The following IQANK1 variants were observed in gnomAD, a reference collection of about 807,000 sequenced individuals.
IQANK1 encodes IQ motif and ankyrin repeat containing 1.
A neutral mutation model predicts 22.6 loss-of-function variants in IQANK1; 30 were observed. The ratio of observed to expected loss-of-function variants is 1.33; its 90% confidence interval spans 0.99 to 1.80. IQANK1 has a LOEUF of 1.80. Ranked by LOEUF, IQANK1 falls within the 40% of genes most tolerant of loss-of-function variation. IQANK1 has a pLI of 0.00. For missense variants in IQANK1, 275 were observed against 235.2 expected (o/e 1.17, Z -1.11); for synonymous variants, 122 against 99.6 (o/e 1.23, Z -1.34).
intron 3 of IQANK1, among the ~76,000 whole-genome samples, chr8:143,762,660 A>G (rs1318026861): frequency 6.6e-6 from 1 of 152,238 alleles, no homozygotes; most frequent in Non-Finnish European, 1.5e-5. Flanking sequence ...TGATTGAGGA[A>G]GGAAAAAATA....
chr8:143,735,981 C>T lies in IQANK1; in HGVS notation c.85+43C>T. On this transcript the variant is annotated intron_variant, in intron 2 of 13. Coordinates refer to ENST00000527139, the MANE Select transcript of IQANK1 (RefSeq NM_001381874.1). This position sits in a 1 kb window ranked among gnomAD's most constrained non-coding sequence, Gnocchi z 5.2. Reference sequence around the variant, plus strand: ...CCTCCAGAGCACTGTCACCCAGACACTGACCTGTGAGACCTTCTATGTAGC... The same window carrying T: ...CCTCCAGAGCACTGTCACCCAGACATTGACCTGTGAGACCTTCTATGTAGC... 8.5e-6 allele frequency: 6 copies of T among 702,224 alleles called. No homozygotes were observed. The highest frequency in any genetic ancestry group is 1.5e-5 in the South Asian group (1 of 67,554). 43.5% of individuals were successfully genotyped at this position (702,224 alleles called of 1,614,324 possible).
Position 143,790,369 on chromosome 8 carries a change from T to G in IQANK1, c.1444T>G (p.Phe482Val). 1 of 1,081,590 alleles carries G rather than the reference T, an allele frequency of 9.2e-7. No individual in the cohort carries two copies. The highest frequency in any genetic ancestry group is 4.7e-5 in the South Asian group (1 of 21,220). 67.0% of individuals were successfully genotyped at this position (1,081,590 alleles called of 1,614,324 possible). A position where few individuals can be genotyped will look rare whatever the true frequency, so the allele number is the denominator to read the frequency against. Residue 482 changes from phenylalanine (F) to valine (V), a missense_variant, in exon 14 of 14, where the codon TTC (phenylalanine) becomes GTC (valine). By Grantham distance (50) the Phe-to-Val change is conservative. Coordinates refer to ENST00000527139, the MANE Select transcript of IQANK1 (RefSeq NM_001381874.1). ...GALRYGKPLVFDLREEDLFPV... is the reference protein window; with the variant it reads ...GALRYGKPLVVDLREEDLFPV... ...GGGCAGGTATGGGAAGCCGCTGGTG[T>G]TCGACCTGCGAGAGGAAGACCTGTT...
intron 7 of IQANK1, among the ~76,000 whole-genome samples, chr8:143,781,194 TAA>T (rs1265467503): frequency 6.6e-6 from 1 of 152,222 alleles, no homozygotes; most frequent in Non-Finnish European, 1.5e-5. Flanking sequence ...TAAGTTTGTA[TAA>T]GATCCTTATA....
At position 143,789,249 on chromosome 8, in the gene IQANK1, T is replaced by C. The variant is rs1819963023; in HGVS notation, c.993+6T>C. On this transcript the variant is annotated splice_donor_region_variant and intron_variant, in intron 9 of 13. Transcript: ENST00000527139. ...AGCAGCAGTGTCACAAGGAGGTGAG[T>C]GTGACCTCAGGGAGGAGCCAGGAAA... 2.5e-6 allele frequency: 1 copy of C among 395,634 alleles called. No individual in the cohort carries two copies. Among genetic ancestry groups the C allele is most frequent in the East Asian group, 3.6e-5 (1 of 27,898 alleles). The allele number at this position is 395,634 out of a possible 1,614,324, so 24.5% of individuals were successfully genotyped here.
At chr8:143,748,937 AT>A (rs1819116719) in intron 3 of IQANK1, among the ~76,000 whole-genome samples, 1 of 112,314 alleles carries the variant, frequency 8.9e-6, no homozygotes, top group Admixed American at 1.1e-4. Flanking sequence ...ATATAAAAAT[AT>A]ATACATATAT....
intron 3 of IQANK1, among the ~76,000 whole-genome samples, chr8:143,749,233 C>T (rs1159688291): frequency 8.7e-6 from 1 of 115,324 alleles, no homozygotes; most frequent in Non-Finnish European, 1.6e-5. Flanking sequence ...TAAATATATA[C>T]CTATATATCA....
chr8:143,744,833 A>G (rs1417609497), intron 3 of IQANK1: 1 of 152,216 alleles, frequency 6.6e-6, no homozygotes, highest in Non-Finnish European at 1.5e-5. Flanking sequence ...GCAGCTAAGA[A>G]TGTGTATCCC....
Position 143,772,258 on chromosome 8 carries a change from C to CCG in IQANK1, c.663+18_663+19dup, listed in dbSNP as rs1403530353. ...CCAACAGCAAGGTGGGCGCCGTGGG[C>CCG]CGCGGGCCGCCGCGCTGAGGGGCGC... On this transcript the variant is annotated intron_variant, in intron 6 of 13. Transcript: ENST00000527139. 7.6e-6 allele frequency: 3 copies of CCG among 397,344 alleles called. No individual in the cohort carries two copies. The highest frequency in any genetic ancestry group is 1.3e-5 in the Non-Finnish European group (3 of 225,292). The allele number at this position is 397,344 out of a possible 1,614,324, so 24.6% of individuals were successfully genotyped here.
chr8:143,790,395 C>T lies in IQANK1; in HGVS notation c.1470C>T (p.Phe490=). The change falls in exon 14 of 14, where the codon TTC becomes TTT. Residue 490 remains phenylalanine, a synonymous_variant. Transcript: ENST00000527139. ...LVFDLREEDL[F]PVVQRQLEAV... ...TCGACCTGCGAGAGGAAGACCTGTTCCCAGTCGTGCAGCGGCAGCTGGAGG... is the reference window on the plus strand; with the variant it reads ...TCGACCTGCGAGAGGAAGACCTGTTTCCAGTCGTGCAGCGGCAGCTGGAGG... 2.3e-6 allele frequency: 2 copies of T among 883,694 alleles called. No individual in the cohort carries two copies. Among genetic ancestry groups the T allele is most frequent in the East Asian group, 3.3e-5 (1 of 29,996 alleles). 54.7% of individuals were successfully genotyped at this position (883,694 alleles called of 1,614,324 possible). A position where few individuals can be genotyped will look rare whatever the true frequency, so the allele number is the denominator to read the frequency against.
At chr8:143,773,616 G>A (rs1819628353) in intron 7 of IQANK1, among the ~76,000 whole-genome samples, 2 of 152,024 alleles carry the variant, frequency 1.3e-5, no homozygotes. Context: ...CTGGCCCACG[G>A]CAGACACCTG....
intron 7 of IQANK1, among the ~76,000 whole-genome samples, chr8:143,776,343 AAAG>A (rs1392658932): frequency 2.0e-5 from 3 of 150,862 alleles, no homozygotes; most frequent in African/African-American, 4.9e-5. Flanking sequence ...AAAAAAAAAA[AAAG>A]AAAAAGAAAA....
At chr8:143,749,105 ATG>A (rs1324690796) in intron 3 of IQANK1, among the ~76,000 whole-genome samples, 6 of 123,226 alleles carry the variant, frequency 4.9e-5, no homozygotes, top group African/African-American at 2.0e-4. Flanking sequence ...TATAGCATAT[ATG>A]ATATAAACGT....
At position 143,774,792 on chromosome 8, in the gene IQANK1, T is replaced by C. The variant is rs1301586862; in HGVS notation, c.789+2310T>C. ...CGAGTGGCTCCACTAGCTTGGTGCA[T>C]TCCTGCCACGAAACACGCTTGGCAA... On this transcript the variant is annotated intron_variant, in intron 7 of 13. Transcript: ENST00000527139. The surrounding 1 kb of genome is among the most constrained non-coding windows in gnomAD (Gnocchi z 4.2). Among the ~76,000 whole-genome samples, 1 of 152,218 alleles carries C rather than the reference T, an allele frequency of 6.6e-6. No individual in the cohort carries two copies. The highest frequency in any genetic ancestry group is 1.5e-5 in the Non-Finnish European group (1 of 68,042).
chr8:143,762,605 G>A (rs563828648), intron 3 of IQANK1, among the ~76,000 whole-genome samples: 3 of 152,290 alleles, frequency 2.0e-5, no homozygotes, highest in East Asian at 1.9e-4. Context: ...GGGAAGATAC[G>A]CTGATGCCAC....
At chr8:143,769,220 C>G (rs1206825565) in intron 3 of IQANK1, among the ~76,000 whole-genome samples, 1 of 151,852 alleles carries the variant, frequency 6.6e-6, no homozygotes, top group Non-Finnish European at 1.5e-5. Flanking sequence ...CCACTGCACC[C>G]AGCTAATTTT....
At chr8:143,788,625 G>T (rs937780568) in intron 7 of IQANK1, among the ~76,000 whole-genome samples, 5 of 152,220 alleles carry the variant, frequency 3.3e-5, no homozygotes, top group Admixed American at 3.3e-4. Context: ...AGGTCCTGGG[G>T]GACTGAAGGG....
chr8:143,740,794 C>T (rs1563767356), intron 3 of IQANK1, among the ~76,000 whole-genome samples: 12 of 152,254 alleles, frequency 7.9e-5, no homozygotes. Context: ...CACCCCGCCC[C>T]AGGTGTCAGG....
intron 1 of IQANK1, among the ~76,000 whole-genome samples, chr8:143,734,576 A>C (rs1818671556): frequency 6.6e-6 from 1 of 151,484 alleles, no homozygotes; most frequent in Non-Finnish European, 1.5e-5. Flanking sequence ...AGCCACAAGC[A>C]CACCGAGTCC....
intron 3 of IQANK1, among the ~76,000 whole-genome samples, chr8:143,767,189 G>C (rs1403364919): frequency 6.6e-6 from 1 of 152,230 alleles, no homozygotes; most frequent in African/African-American, 2.4e-5. Context: ...AAGCAAAACA[G>C]CCCTGCTGGG....
Sources: gnomAD v4.1 joint callset for allele counts (sites outside exome capture counted in the v4.1 genomes callset) on GRCh38, gnomAD v4.1.1 for gene constraint, Gnocchi (gnomAD v3.1) non-coding constraint, MANE v1.5 for transcripts, NCBI Gene and HGNC (gene_info 2026-07-23, HGNC 2026-07-21) for gene names.